FREM2: variants seen among roughly 807,000 people sequenced by gnomAD.
FREM2 encodes FRAS1-related extracellular matrix protein 2.
A neutral mutation model predicts 219.9 loss-of-function variants in FREM2; 119 were observed. That is an observed-to-expected ratio of 0.54 (90% CI 0.47 to 0.63). The LOEUF (loss-of-function observed/expected upper bound fraction) is 0.63, where lower values mean the gene tolerates loss of function less well. Ranked by LOEUF, FREM2 falls within the 30% of genes least tolerant of loss-of-function variation. FREM2 has a pLI of 0.00. For synonymous variants in FREM2, 1,562 were observed against 1,522.8 expected (o/e 1.03, Z -0.60); for missense variants, 4,030 against 3,993.6 (o/e 1.01, Z -0.25).
At chr13:38,871,697 C>A (rs909829541) in intron 16 of FREM2, among the ~76,000 whole-genome samples, 1 of 152,102 alleles carries the variant, frequency 6.6e-6, no homozygotes, top group African/African-American at 2.4e-5. Context: ...ATCCGTCATC[C>A]ATTGACCATC....
rs1869821306 is a variant in FREM2 at position 38,691,048 on chromosome 13, A to T, written c.3704A>T (p.His1235Leu). 1 of 1,614,168 alleles carries T rather than the reference A, an allele frequency of 6.2e-7. No individual in the cohort carries two copies. The highest frequency in any genetic ancestry group is 1.1e-5 in the South Asian group (1 of 91,076). ...TTCACTATTACCCAATTCCCCACTC[A>T]TGGTCACATCATGAATCAGCTGATA... Reference protein sequence around the residue: ...LTFTITQFPTHGHIMNQLING... With the variant: ...LTFTITQFPTLGHIMNQLING... Residue 1235 changes from histidine (H) to leucine (L), a missense_variant, in exon 1 of 24, where the codon CAT (histidine) becomes CTT (leucine). Transcript: ENST00000280481.
chr13:38,745,915 G>A (rs1322564884), intron 2 of FREM2, among the ~76,000 whole-genome samples: 1 of 152,092 alleles, frequency 6.6e-6, no homozygotes, highest in Non-Finnish European at 1.5e-5. Flanking sequence ...CCAGGCCTCT[G>A]TTTTGTTCCC....
chr13:38,876,476 C>A, intron 20 of FREM2, 94 bp downstream of exon 20: 1 of 1,032,610 alleles, frequency 9.7e-7, no homozygotes, highest in Non-Finnish European at 1.5e-6. Context: ...ACGTGAATGA[C>A]TTTAATTCTT....
intron 6 of FREM2, among the ~76,000 whole-genome samples, chr13:38,804,729 A>T (rs148025948): frequency 1.1e-3 from 164 of 152,288 alleles, no homozygotes; most frequent in African/African-American, 3.7e-3. Flanking sequence ...AGATGAATGA[A>T]GAATAAGGCT....
intron 2 of FREM2, among the ~76,000 whole-genome samples, chr13:38,747,415 G>GTA (rs1206418841): frequency 2.6e-5 from 4 of 151,592 alleles, no homozygotes; most frequent in African/African-American, 9.7e-5. Context: ...GTGTGTGTGT[G>GTA]TGTGTGTGTG....
At position 38,690,649 on chromosome 13, in the gene FREM2, T is replaced by G; in HGVS notation, c.3305T>G (p.Ile1102Ser). The G allele has an allele frequency of 1.2e-6, 2 of 1,613,864 alleles. No homozygotes were observed. Among genetic ancestry groups the G allele is most frequent in the Non-Finnish European group, 8.5e-7 (1 of 1,179,978 alleles). The change falls in exon 1 of 24, where the codon ATC becomes AGC. Residue 1102 changes from isoleucine (I) to serine (S), a missense_variant. Ile to Ser is a moderately radical substitution (Grantham distance 142). Transcript: ENST00000280481. ...GATGTCGACTCCCTGAATGATGACA[T>G]CTTGTGCACTATAGTTATTCAGCCT... ...AEDVDSLNDDILCTIVIQPTS... is the reference protein window; with the variant it reads ...AEDVDSLNDDSLCTIVIQPTS...
At chr13:38,729,025 G>A (rs896950614) in intron 2 of FREM2, among the ~76,000 whole-genome samples, 1 of 152,140 alleles carries the variant, frequency 6.6e-6, no homozygotes, top group African/African-American at 2.4e-5. Flanking sequence ...AGTAGAGACG[G>A]GGTTTCCCCA....
intron 2 of FREM2, among the ~76,000 whole-genome samples, chr13:38,737,126 T>TG (rs1332894676): frequency 6.6e-6 from 1 of 152,334 alleles, no homozygotes; most frequent in South Asian, 2.1e-4. Flanking sequence ...TTCAGTAGTG[T>TG]GTTCTGTCCT....
chr13:38,688,292 T>G lies in FREM2; in HGVS notation c.948T>G (p.Thr316=). The change falls in exon 1 of 24, where the codon ACT becomes ACG. Residue 316 remains threonine, a synonymous_variant. Coordinates refer to ENST00000280481, the MANE Select transcript of FREM2 (RefSeq NM_207361.6). ...GGATCCGAGGAGGGGCCGAGAACAC[T>G]GCACCCAAGCCCAGTTTCGTGGCCA... ...LVRIRGGAEN[T]APKPSFVAMM... is the part of the protein sequence containing the mutation. 6.2e-7 allele frequency: 1 copy of G among 1,614,132 alleles called. No individual in the cohort carries two copies. The highest frequency in any genetic ancestry group is 8.5e-7 in the Non-Finnish European group (1 of 1,180,040).
chr13:38,878,604 A>G (rs1213984311), intron 22 of FREM2, among the ~76,000 whole-genome samples: 1 of 151,848 alleles, frequency 6.6e-6, no homozygotes. Context: ...TGCTTAAGTC[A>G]GGAAGTTCAA....
At chr13:38,841,013 G>A (rs1242166467) in intron 6 of FREM2, among the ~76,000 whole-genome samples, 2 of 152,064 alleles carry the variant, frequency 1.3e-5, no homozygotes, top group African/African-American at 2.4e-5. Context: ...TAGTAGTCAA[G>A]GGCACAGGCT....
In FREM2 at chr13:38,690,671, G is replaced by T; in HGVS notation, c.3327G>T (p.Gln1109His). 1 of 1,613,864 alleles carries T rather than the reference G, an allele frequency of 6.2e-7. No individual in the cohort carries two copies. Among genetic ancestry groups the T allele is most frequent in the Middle Eastern group, 1.6e-4 (1 of 6,062 alleles). The change falls in exon 1 of 24, where the codon CAG becomes CAT. Residue 1109 changes from glutamine to histidine, a missense_variant. Transcript: ENST00000280481. ...NDDILCTIVI[Q>H]PTSGYVENIS... ...ACATCTTGTGCACTATAGTTATTCA[G>T]CCTACTTCAGGTTATGTTGAAAACA...
At chr13:38,772,678 G>C (rs1350353356) in intron 4 of FREM2, among the ~76,000 whole-genome samples, 1 of 146,300 alleles carries the variant, frequency 6.8e-6, no homozygotes, top group African/African-American at 2.5e-5. Context: ...ATGACAAAAA[G>C]AACTTTCTTT....
chr13:38,804,571 G>A (rs888003522), intron 6 of FREM2, among the ~76,000 whole-genome samples: 4 of 152,088 alleles, frequency 2.6e-5, no homozygotes, highest in Non-Finnish European at 2.9e-5. Flanking sequence ...AGCTAAGTAT[G>A]TAAAAAGCTA....
Position 38,691,308 on chromosome 13 carries a change from A to G in FREM2, c.3964A>G (p.Ile1322Val). 3 of 1,614,128 alleles carry G rather than the reference A, an allele frequency of 1.9e-6. No individual in the cohort carries two copies. The highest frequency in any genetic ancestry group is 2.2e-5 in the South Asian group (2 of 91,082). Residue 1322 changes from isoleucine to valine, a missense_variant, in exon 1 of 24, where the codon ATC (isoleucine) becomes GTC (valine). Physicochemically the swap from Ile to Val is conservative, Grantham distance 29. Transcript: ENST00000280481. Reference protein sequence around the residue: ...LEIEIGDTKIINNKILMATDL... With the variant: ...LEIEIGDTKIVNNKILMATDL... ...AATAGAAATTGGGGATACCAAGATTATCAACAACAAAATATTAATGGCAAC... is the reference window on the plus strand; with the variant it reads ...AATAGAAATTGGGGATACCAAGATTGTCAACAACAAAATATTAATGGCAAC...
intron 7 of FREM2, 33 bp from the exon 8 acceptor site, chr13:38,848,428 C>T (rs748182806): frequency 1.4e-6 from 2 of 1,452,812 alleles, no homozygotes; most frequent in Admixed American, 1.7e-5. Flanking sequence ...TTTAATTAGT[C>T]CCCAACTGAA....
At chr13:38,854,394 A>G (rs927712513) in intron 11 of FREM2, among the ~76,000 whole-genome samples, 1 of 152,216 alleles carries the variant, frequency 6.6e-6, no homozygotes, top group Admixed American at 6.5e-5. Context: ...GGAAAATATG[A>G]TAGAAAATGG....
chr13:38,796,298 T>G (rs1874778134), intron 6 of FREM2, among the ~76,000 whole-genome samples: 1 of 152,166 alleles, frequency 6.6e-6, no homozygotes, highest in African/African-American at 2.4e-5. Flanking sequence ...TCTCTGCCAT[T>G]ATTACTCATG....
intron 2 of FREM2, among the ~76,000 whole-genome samples, chr13:38,753,479 T>C (rs189638571): frequency 1.2e-3 from 186 of 152,332 alleles, no homozygotes; most frequent in Middle Eastern, 6.8e-3. Context: ...CCAGCATTCA[T>C]TCTGCTCTAA....
Sources: gnomAD v4.1 joint callset for allele counts (sites outside exome capture counted in the v4.1 genomes callset) on GRCh38, gnomAD v4.1.1 for gene constraint, MANE v1.5 for transcripts, NCBI Gene and HGNC (gene_info 2026-07-23, HGNC 2026-07-21) for gene names.